Variants in SGCD observed in about 807,000 individuals in gnomAD.
The protein encoded by SGCD is delta-sarcoglycan.
A neutral mutation model predicts 36.6 loss-of-function variants in SGCD; 18 were observed. That is an observed-to-expected ratio of 0.49 (90% CI 0.34 to 0.73). SGCD has a LOEUF of 0.73. SGCD is among the 30% of genes least tolerant of loss of function. The pLI is 0.01. For synonymous variants in SGCD, 133 were observed against 130.6 expected (o/e 1.02, Z -0.12); for missense variants, 387 against 346.7 (o/e 1.12, Z -0.92).
At chr5:156,500,726 G>A (rs1201081242) in intron 3 of SGCD, among the ~76,000 whole-genome samples, 4 of 152,178 alleles carry the variant, frequency 2.6e-5, no homozygotes, top group African/African-American at 7.2e-5. Context: ...TGCACTCTGG[G>A]TGTTTTTCAT....
At chr5:155,788,553 A>G in the SGCD span, among the ~76,000 whole-genome samples, 5 of 152,152 alleles carry the variant, frequency 3.3e-5, no homozygotes. Flanking sequence ...TGTGTATGCT[A>G]GGTTATAGAG....
chr5:156,617,731 C>T (rs1361329678), intron 6 of SGCD, among the ~76,000 whole-genome samples: 1 of 152,190 alleles, frequency 6.6e-6, no homozygotes, highest in Non-Finnish European at 1.5e-5. Context: ...CTTCACCCAA[C>T]AGCACCCAGC....
the SGCD span, among the ~76,000 whole-genome samples, chr5:155,808,106 C>T: frequency 6.6e-6 from 1 of 152,102 alleles, no homozygotes; most frequent in Non-Finnish European, 1.5e-5. Flanking sequence ...TCTGCCCTGC[C>T]CTTATGATTT....
chr5:156,571,179 G>T (rs1759705334), intron 4 of SGCD, among the ~76,000 whole-genome samples: 1 of 152,132 alleles, frequency 6.6e-6, no homozygotes, highest in Non-Finnish European at 1.5e-5. Flanking sequence ...CTGAGTAGCT[G>T]GGATTACAGG....
At chr5:156,286,713 A>G (rs1375925139) in intron 3 of SGCD, among the ~76,000 whole-genome samples, 1 of 152,164 alleles carries the variant, frequency 6.6e-6, no homozygotes, top group Non-Finnish European at 1.5e-5. Context: ...TTGGAGATAT[A>G]TCTAATGTTA....
chr5:156,224,275 G>T (rs1764793135), intron 3 of SGCD, among the ~76,000 whole-genome samples: 1 of 151,978 alleles, frequency 6.6e-6, no homozygotes, highest in Admixed American at 6.6e-5. Context: ...ATTCTCTTAA[G>T]AATTTGGCAG....
intron 3 of SGCD, among the ~76,000 whole-genome samples, chr5:156,202,080 T>A (rs761223434): frequency 6.6e-6 from 1 of 152,160 alleles, no homozygotes; most frequent in South Asian, 2.1e-4. Context: ...AGAACTCTCA[T>A]TGAAAACATT....
At chr5:156,416,490 A>G (rs886469513) in intron 3 of SGCD, among the ~76,000 whole-genome samples, 1 of 152,198 alleles carries the variant, frequency 6.6e-6, no homozygotes, top group Non-Finnish European at 1.5e-5. Flanking sequence ...GCCAAATGCC[A>G]CCTGTTCCCC....
intron 3 of SGCD, among the ~76,000 whole-genome samples, chr5:156,360,541 T>C (rs1769732918): frequency 6.6e-6 from 1 of 152,126 alleles, no homozygotes; most frequent in Non-Finnish European, 1.5e-5. Flanking sequence ...ATTGGTTTTT[T>C]TACACTGTAG....
chr5:155,820,763 C>A, the SGCD span, among the ~76,000 whole-genome samples: 1 of 152,076 alleles, frequency 6.6e-6, no homozygotes, highest in African/African-American at 2.4e-5. Context: ...AACTGCCCTA[C>A]AGATACAAGA....
chr5:156,096,448 C>G (rs563550967), intron 1 of SGCD, among the ~76,000 whole-genome samples: 74 of 152,240 alleles, frequency 4.9e-4, no homozygotes, highest in African/African-American at 1.7e-3. Context: ...AGAATGGGAG[C>G]TTGGTATGAT....
At chr5:156,373,769 A>G (rs1379942701) in intron 3 of SGCD, among the ~76,000 whole-genome samples, 2 of 152,228 alleles carry the variant, frequency 1.3e-5, no homozygotes, top group Non-Finnish European at 2.9e-5. Context: ...AAAATGAGGC[A>G]CAGACCAAGG....
At chr5:156,311,515 C>CAT (rs1767387863) in intron 3 of SGCD, among the ~76,000 whole-genome samples, 1 of 152,054 alleles carries the variant, frequency 6.6e-6, no homozygotes, top group Admixed American at 6.6e-5. Flanking sequence ...CTTATACAAT[C>CAT]ATAGAATACA....
intron 2 of SGCD, among the ~76,000 whole-genome samples, chr5:156,335,372 G>T (rs1383712796): frequency 1.3e-5 from 2 of 152,138 alleles, no homozygotes; most frequent in African/African-American, 2.4e-5. Context: ...TGGCAATCTG[G>T]TTTCTCAGGA....
At chr5:155,914,753 A>G (rs892016178) in intron 1 of SGCD, among the ~76,000 whole-genome samples, 6 of 152,166 alleles carry the variant, frequency 3.9e-5, no homozygotes, top group African/African-American at 1.4e-4. Context: ...GTTCTTAGAG[A>G]CTTCACATAA....
At chr5:156,456,729 C>T (rs1245270899) in intron 3 of SGCD, among the ~76,000 whole-genome samples, 1 of 152,156 alleles carries the variant, frequency 6.6e-6, no homozygotes, top group African/African-American at 2.4e-5. Context: ...GCCTTAATTT[C>T]TGACTTCTAG....
intron 7 of SGCD, among the ~76,000 whole-genome samples, chr5:156,723,497 G>A (rs1364811659): frequency 3.3e-5 from 5 of 152,354 alleles, no homozygotes; most frequent in Non-Finnish European, 5.9e-5. Context: ...TTCTAGTGAG[G>A]AGAATAAATG....
intron 1 of SGCD, among the ~76,000 whole-genome samples, chr5:156,088,109 GACTCGAGT>G (rs527846861): frequency 2.2e-4 from 34 of 152,248 alleles, no homozygotes; most frequent in African/African-American, 8.2e-4. Flanking sequence ...TCCAGCCCAT[GACTCGAGT>G]ATCTGGCCAT....
chr5:155,985,134 T>G (rs906195836), intron 1 of SGCD, among the ~76,000 whole-genome samples: 13 of 152,210 alleles, frequency 8.5e-5, no homozygotes, highest in Admixed American at 8.5e-4. Context: ...TTTCACAGCT[T>G]AAACCAACAT....
Sources: allele counts gnomAD v4.1 joint callset (sites outside exome capture counted in the v4.1 genomes callset), GRCh38; gene constraint gnomAD v4.1.1; transcripts MANE v1.5; gene names NCBI Gene and HGNC (gene_info 2026-07-23, HGNC 2026-07-21).